Variants in BRINP2 observed in about 807,000 individuals in gnomAD.
BRINP2 encodes the protein BMP/retinoic acid-inducible neural-specific protein 2.
BRINP2 carries 21 observed loss-of-function variants against 69.2 expected under a neutral mutation model. The ratio of observed to expected loss-of-function variants is 0.30; its 90% CI spans 0.22 to 0.44. The LOEUF (loss-of-function observed/expected upper bound fraction) is 0.44. Among genes scored for constraint, BRINP2 ranks in the 20% least tolerant of loss-of-function variants. The pLI is 1.00. For synonymous variants in BRINP2, 380 were observed against 394.1 expected (o/e 0.96, Z 0.42); for missense variants, 877 against 986.0 (o/e 0.89, Z 1.48).
At chr1:177,172,108 C>G (rs1647952041) in intron 1 of BRINP2, among the ~76,000 whole-genome samples, 1 of 152,228 alleles carries the variant, frequency 6.6e-6, no homozygotes. Flanking sequence ...GCCTGCCCAG[C>G]TGACGCTGGG....
At chr1:177,200,293 CAAAAAAAA>C (rs35619503) in intron 1 of BRINP2, among the ~76,000 whole-genome samples, 33 of 34,806 alleles carry the variant, frequency 9.5e-4, no homozygotes, top group South Asian at 2.3e-3. Flanking sequence ...AACTCTGTCT[CAAAAAAAA>C]AAAAAAAAAA....
intron 2 of BRINP2, among the ~76,000 whole-genome samples, chr1:177,250,817 T>C (rs1650557469): frequency 6.6e-6 from 1 of 152,244 alleles, no homozygotes; most frequent in African/African-American, 2.4e-5. Context: ...CTGTGTGTAC[T>C]GGAGTCAGAC....
At chr1:177,229,635 A>T (rs1649801686) in intron 1 of BRINP2, among the ~76,000 whole-genome samples, 166 bp from the exon 2 acceptor site, 1 of 152,176 alleles carries the variant, frequency 6.6e-6, no homozygotes, top group Admixed American at 6.5e-5. Flanking sequence ...GGTTTTAAGG[A>T]TTAAATGAAA....
intron 6 of BRINP2, among the ~76,000 whole-genome samples, chr1:177,278,101 C>T (rs1248674285): frequency 6.6e-6 from 1 of 152,158 alleles, no homozygotes; most frequent in Non-Finnish European, 1.5e-5. Flanking sequence ...CTGGGTGCTG[C>T]ATCTCCTCTG....
intron 1 of BRINP2, among the ~76,000 whole-genome samples, chr1:177,182,723 G>A (rs1648298069): frequency 1.3e-5 from 2 of 152,168 alleles, no homozygotes; most frequent in South Asian, 4.1e-4. Context: ...GTGAACTTGG[G>A]TTCAAGTCTT....
chr1:177,201,591 T>C (rs897077617), intron 1 of BRINP2, among the ~76,000 whole-genome samples: 4 of 152,194 alleles, frequency 2.6e-5, no homozygotes, highest in African/African-American at 9.6e-5. Flanking sequence ...TGGCTGAAGT[T>C]TGCCTGTCTC....
At chr1:177,211,514 C>T (rs1649222029) in intron 1 of BRINP2, among the ~76,000 whole-genome samples, 1 of 152,096 alleles carries the variant, frequency 6.6e-6, no homozygotes, top group Non-Finnish European at 1.5e-5. Context: ...CCTTCATGAC[C>T]TTAATATTTT....
At chr1:177,257,153 T>C in intron 3 of BRINP2, 23 bp from the exon 4 acceptor site, 2 of 1,612,596 alleles carry the variant, frequency 1.2e-6, no homozygotes, top group Non-Finnish European at 1.7e-6. Flanking sequence ...GCGTCACCAA[T>C]ACACTCGTGT....
At chr1:177,184,777 C>T (rs1025810302) in intron 1 of BRINP2, among the ~76,000 whole-genome samples, 7 of 152,044 alleles carry the variant, frequency 4.6e-5, no homozygotes, top group African/African-American at 1.7e-4. Context: ...CCACCACACC[C>T]ATTTCCATTA....
chr1:177,278,529 C>A, intron 6 of BRINP2, 34 bp from the exon 7 acceptor site: 4 of 1,603,244 alleles, frequency 2.5e-6, no homozygotes, highest in Non-Finnish European at 3.4e-6. Context: ...TGCATAGCTA[C>A]CCGTCAGCTC....
chr1:177,239,358 G>A (rs1650126946), intron 2 of BRINP2, among the ~76,000 whole-genome samples: 1 of 152,222 alleles, frequency 6.6e-6, no homozygotes, highest in Non-Finnish European at 1.5e-5. Context: ...GTGCACTGCT[G>A]GTGTGTTTCT....
rs756381123 is a variant in BRINP2 at position 177,171,314 on chromosome 1, C to T, written c.-495C>T. Among the ~76,000 whole-genome samples the T allele has an allele frequency of 2.8e-4, 43 of 152,130 alleles. No homozygotes were observed. Among genetic ancestry groups the T allele is most frequent in the Non-Finnish European group, 5.1e-4 (35 of 68,026 alleles). ...CCTCGGCGGAGGGACAGGGGACTCC[C>T]CCAGTTGGGTCTTGCACTTCCCTTA... On this transcript the variant is annotated 5_prime_UTR_variant, in exon 1 of 8. Coordinates refer to ENST00000361539, the MANE Select transcript of BRINP2 (RefSeq NM_021165.4).
At chr1:177,263,534 G>T (rs1014021211) in intron 4 of BRINP2, among the ~76,000 whole-genome samples, 8 of 152,294 alleles carry the variant, frequency 5.3e-5, no homozygotes, top group African/African-American at 1.9e-4. Flanking sequence ...GGCTGCAGGG[G>T]AAACCATGTC....
intron 6 of BRINP2, among the ~76,000 whole-genome samples, chr1:177,277,760 T>C (rs1185488304): frequency 1.3e-5 from 2 of 152,042 alleles, no homozygotes; most frequent in East Asian, 3.9e-4. Context: ...TTTACTACTA[T>C]GAGTTACTGC....
At chr1:177,264,560 C>CA in intron 4 of BRINP2, among the ~76,000 whole-genome samples, 1 of 152,302 alleles carries the variant, frequency 6.6e-6, no homozygotes, top group South Asian at 2.1e-4. Flanking sequence ...TAGAAAACCC[C>CA]ATCGTCTCAG....
At chr1:177,280,175 T>G (rs534203235) in intron 7 of BRINP2, among the ~76,000 whole-genome samples, 1 of 152,332 alleles carries the variant, frequency 6.6e-6, no homozygotes, top group African/African-American at 2.4e-5. Context: ...GCCTTGTTGC[T>G]CTCAGTACAA....
At chr1:177,275,190 C>A in intron 5 of BRINP2, 1 of 456,272 alleles carries the variant, frequency 2.2e-6, no homozygotes, top group Non-Finnish European at 4.4e-6. Context: ...GGTAAGCTTC[C>A]AGCAGCCGCC....
intron 1 of BRINP2, among the ~76,000 whole-genome samples, chr1:177,185,684 AT>A (rs1454587029): frequency 6.6e-6 from 1 of 152,208 alleles, no homozygotes; most frequent in Non-Finnish European, 1.5e-5. Flanking sequence ...TATTATTCCC[AT>A]TTTACTGAAG....
intron 1 of BRINP2, among the ~76,000 whole-genome samples, chr1:177,209,369 T>G (rs142201578): frequency 9.2e-5 from 14 of 152,238 alleles, no homozygotes; most frequent in Non-Finnish European, 1.8e-4. Context: ...GGGCAGCTCA[T>G]TAGGGCAGAG....
Sources: gnomAD v4.1 joint callset for allele counts (sites outside exome capture counted in the v4.1 genomes callset) on GRCh38, gnomAD v4.1.1 for gene constraint, MANE v1.5 for transcripts, NCBI Gene and HGNC (gene_info 2026-07-23, HGNC 2026-07-21) for gene names.